The following PCDH7 variants were observed in gnomAD, a reference collection of about 807,000 sequenced individuals.
The protein encoded by PCDH7 is protocadherin 7.
PCDH7 carries 17 observed loss-of-function variants against 58.9 expected under a neutral mutation model. That is an observed-to-expected ratio of 0.29 (90% confidence interval 0.20 to 0.43). The LOEUF is 0.43. Ranked by LOEUF, PCDH7 falls within the 20% of genes least tolerant of loss-of-function variation. The pLI is 1.00. For missense variants in PCDH7, 1,274 were observed against 1,441.0 expected (o/e 0.88, Z 1.88); for synonymous variants, 664 against 616.4 (o/e 1.08, Z -1.14).
At chr4:31,069,294 T>C (rs189479705) in intron 3 of PCDH7, among the ~76,000 whole-genome samples, 1 of 152,180 alleles carries the variant, frequency 6.6e-6, no homozygotes, top group African/African-American at 2.4e-5. Context: ...TGCTTTATTC[T>C]GGTGAAAGCA....
At chr4:30,971,842 G>T (rs1749618416) in intron 3 of PCDH7, among the ~76,000 whole-genome samples, 2 of 152,218 alleles carry the variant, frequency 1.3e-5, no homozygotes, top group East Asian at 3.9e-4. Context: ...CATGCCTGTG[G>T]GGGCAACAAC....
intron 3 of PCDH7, among the ~76,000 whole-genome samples, chr4:31,095,264 G>A (rs990698958): frequency 6.6e-6 from 1 of 151,998 alleles, no homozygotes; most frequent in Non-Finnish European, 1.5e-5. Flanking sequence ...TTGATCTAGT[G>A]AGTCCCTCCC....
intron 3 of PCDH7, among the ~76,000 whole-genome samples, chr4:31,047,825 A>T (rs1019787942): frequency 5.3e-5 from 8 of 152,070 alleles, no homozygotes; most frequent in African/African-American, 1.9e-4. Context: ...TTATTTCTGC[A>T]GTCATAAATG....
rs150857120 is a variant in PCDH7 at position 30,950,995 on chromosome 4, G to A, written c.*7+780G>A. Among the ~76,000 whole-genome samples the A allele has an allele frequency of 5.2e-3, 789 of 152,214 alleles. 4 individuals carry two copies. Among genetic ancestry groups the A allele is most frequent in the African/African-American group, 0.018 (750 of 41,544 alleles). On this transcript the variant is annotated intron_variant, in intron 3 of 3. Coordinates refer to the PCDH7 transcript ENST00000509759. ...TGACTTCTTTTTTCACTAGTGAAACGAGTCCTCCCAGCTCCTGCAGGGGCT... is the reference window on the plus strand; with the variant it reads ...TGACTTCTTTTTTCACTAGTGAAACAAGTCCTCCCAGCTCCTGCAGGGGCT...
intron 1 of PCDH7, among the ~76,000 whole-genome samples, chr4:30,889,445 T>C (rs1738311693): frequency 6.6e-6 from 1 of 152,162 alleles, no homozygotes; most frequent in Admixed American, 6.5e-5. Flanking sequence ...TGAACTTTCA[T>C]AGTGATGCTC....
At chr4:31,079,837 T>G (rs1468630230) in intron 3 of PCDH7, among the ~76,000 whole-genome samples, 1 of 152,064 alleles carries the variant, frequency 6.6e-6, no homozygotes, top group Non-Finnish European at 1.5e-5. Context: ...TGTAGAATTC[T>G]GCAGATAAAT....
chr4:31,096,676 A>T (rs1000744382), intron 3 of PCDH7, among the ~76,000 whole-genome samples: 5 of 152,186 alleles, frequency 3.3e-5, no homozygotes, highest in African/African-American at 1.2e-4. Context: ...AAATTGATAT[A>T]TCGACAAGGG....
intron 3 of PCDH7, among the ~76,000 whole-genome samples, chr4:30,971,965 A>T (rs1197840858): frequency 6.6e-6 from 1 of 152,234 alleles, no homozygotes; most frequent in African/African-American, 2.4e-5. Flanking sequence ...TCTCAAAAAA[A>T]TAAAAATAAA....
intron 1 of PCDH7, among the ~76,000 whole-genome samples, chr4:30,761,584 C>A (rs977102802): frequency 6.6e-6 from 1 of 152,022 alleles, no homozygotes; most frequent in Non-Finnish European, 1.5e-5. Flanking sequence ...CACCTCATAT[C>A]AATTCTTACT....
At position 30,722,064 on chromosome 4, in the gene PCDH7, G is replaced by C. The variant is rs1713682310; in HGVS notation, c.642G>C (p.Ala214=). ...ACCCCGGGGGCGGCGGGAACGGCGC[G>C]AGCGGCGGCGGCTCGGGAGGCTCCA... The change falls in exon 1 of 2, where the codon GCG becomes GCC. Residue 214 remains alanine (A), a synonymous_variant. Transcript: ENST00000361762. The surrounding 1 kb of genome is among the most constrained non-coding windows in gnomAD (Gnocchi z 7.6). 2.4e-6 allele frequency: 3 copies of C among 1,242,464 alleles called. No homozygotes were observed. Among genetic ancestry groups the C allele is most frequent in the Admixed American group, 4.3e-5 (1 of 23,490 alleles). The allele number at this position is 1,242,464 out of a possible 1,614,324, so 77.0% of individuals were successfully genotyped here.
intron 1 of PCDH7, among the ~76,000 whole-genome samples, chr4:30,883,189 G>A (rs559992799): frequency 6.6e-6 from 1 of 152,128 alleles, no homozygotes; most frequent in East Asian, 1.9e-4. Flanking sequence ...GAGGTAATTC[G>A]AGAGAAAGAA....
At chr4:30,958,932 A>G (rs1748123986) in intron 3 of PCDH7, among the ~76,000 whole-genome samples, 2 of 152,140 alleles carry the variant, frequency 1.3e-5, no homozygotes, top group Admixed American at 1.3e-4. Flanking sequence ...TTTTAAGCAT[A>G]GCTATATTTG....
intron 3 of PCDH7, among the ~76,000 whole-genome samples, chr4:31,029,209 C>A (rs535477043): frequency 9.2e-5 from 14 of 152,300 alleles, no homozygotes; most frequent in African/African-American, 2.9e-4. Context: ...TAATGCATCA[C>A]AAGCAACTGT....
At chr4:30,758,052 G>A (rs572272824) in intron 1 of PCDH7, among the ~76,000 whole-genome samples, 1 of 152,298 alleles carries the variant, frequency 6.6e-6, no homozygotes, top group African/African-American at 2.4e-5. Flanking sequence ...TGTACACTTA[G>A]ATGGTGGCAA....
intron 3 of PCDH7, among the ~76,000 whole-genome samples, chr4:31,102,559 C>T (rs1489413885): frequency 6.6e-6 from 1 of 151,484 alleles, no homozygotes; most frequent in Non-Finnish European, 1.5e-5. Flanking sequence ...TCTGTCTCTA[C>T]TAAAAATACA....
At position 30,956,407 on chromosome 4, in the gene PCDH7, T is replaced by G. The variant is rs1747872467; in HGVS notation, c.*7+6192T>G. Among the ~76,000 whole-genome samples the G allele has an allele frequency of 2.0e-5, 3 of 152,194 alleles. No homozygotes were observed. In the South Asian group the frequency reaches 6.2e-4, roughly 31 times the overall value. ...CTACTTGTTAGCCAATGCTGTAGTG[T>G]TCTAGTAAAGTGCTTTATATTATCA... On this transcript the variant is annotated intron_variant, in intron 3 of 3. Transcript: ENST00000509759.
intron 3 of PCDH7, among the ~76,000 whole-genome samples, chr4:31,063,439 A>G (rs564905705): frequency 5.9e-5 from 9 of 151,952 alleles, no homozygotes; most frequent in African/African-American, 2.2e-4. Context: ...GCTATCATAC[A>G]TGCTTTTTTA....
chr4:30,839,123 TATA>T (rs1313263286), intron 1 of PCDH7, among the ~76,000 whole-genome samples: 4 of 151,790 alleles, frequency 2.6e-5, no homozygotes, highest in Non-Finnish European at 5.9e-5. Context: ...ATGTAGTATA[TATA>T]ATAATCACAA....
chr4:30,831,564 C>G (rs1413499070), intron 1 of PCDH7, among the ~76,000 whole-genome samples: 1 of 151,946 alleles, frequency 6.6e-6, no homozygotes, highest in Non-Finnish European at 1.5e-5. Context: ...GTAAATACAC[C>G]ACAAAACTAT....
Sources: allele counts gnomAD v4.1 joint callset (sites outside exome capture counted in the v4.1 genomes callset), GRCh38; gene constraint gnomAD v4.1.1; non-coding constraint Gnocchi (gnomAD v3.1); transcripts MANE v1.5; gene names NCBI Gene and HGNC (gene_info 2026-07-23, HGNC 2026-07-21).